The following SLC35F4 variants were observed in gnomAD, a reference collection of about 807,000 sequenced individuals.
SLC35F4 encodes chromosome 14 open reading frame 36.
SLC35F4 carries 24 observed loss-of-function variants against 44.2 expected under a neutral mutation model. The ratio of observed to expected loss-of-function variants is 0.54; its 90% CI spans 0.39 to 0.76. The LOEUF (loss-of-function observed/expected upper bound fraction) is 0.76, where lower values mean the gene tolerates loss of function less well. Among genes scored for constraint, SLC35F4 ranks in the 30% least tolerant of loss-of-function variants. The pLI is 0.00. For missense variants in SLC35F4, 562 were observed against 586.1 expected (o/e 0.96, Z 0.42); for synonymous variants, 238 against 223.6 (o/e 1.06, Z -0.57).
At chr14:57,642,242 G>A (rs757120809) in intron 1 of SLC35F4, among the ~76,000 whole-genome samples, 3 of 151,520 alleles carry the variant, frequency 2.0e-5, no homozygotes, top group African/African-American at 2.4e-5. Context: ...TTCTTTCTAC[G>A]TTTAACTCTT....
intron 1 of SLC35F4, among the ~76,000 whole-genome samples, chr14:57,678,061 C>A (rs2074759621): frequency 1.3e-5 from 2 of 151,786 alleles, no homozygotes; most frequent in South Asian, 4.1e-4. Context: ...AACCCCAAGA[C>A]AAATAATCAT....
At chr14:57,968,925 T>C (rs1390283275) in intron 1 of SLC35F4, among the ~76,000 whole-genome samples, 1 of 152,260 alleles carries the variant, frequency 6.6e-6, no homozygotes, top group Non-Finnish European at 1.5e-5. Context: ...TAAACTTGTC[T>C]AGGAAAATCA....
chr14:57,958,153 G>A (rs544798339), intron 1 of SLC35F4, among the ~76,000 whole-genome samples: 3 of 151,970 alleles, frequency 2.0e-5, no homozygotes, highest in Admixed American at 6.6e-5. Context: ...TGCCTCCCAG[G>A]TTCACGCCGT....
intron 1 of SLC35F4, among the ~76,000 whole-genome samples, chr14:57,756,983 A>C (rs546985650): frequency 6.6e-6 from 1 of 152,216 alleles, no homozygotes; most frequent in South Asian, 2.1e-4. Context: ...ATTATTTAGA[A>C]AGGGATACTA....
chr14:57,694,164 C>T (rs1264930801), intron 1 of SLC35F4, among the ~76,000 whole-genome samples: 1 of 152,174 alleles, frequency 6.6e-6, no homozygotes, highest in Non-Finnish European at 1.5e-5. Context: ...TTCATACCCT[C>T]TTGAAATCCT....
chr14:57,887,221 A>G (rs1369438233), intron 1 of SLC35F4, among the ~76,000 whole-genome samples: 3 of 152,186 alleles, frequency 2.0e-5, no homozygotes, highest in African/African-American at 7.2e-5. Flanking sequence ...GCTAAGAGAG[A>G]TGGTTAAGGG....
chr14:57,796,552 T>C lies in SLC35F4; in HGVS notation c.103+69171A>G, dbSNP rs551633210. ...GTTTCAAATACACATAAATTAAAAA[T>C]ATTAAAAGTCATAAATAAAAGCATT... On this transcript the variant is annotated intron_variant, in intron 1 of 7. Transcript: ENST00000556826. Among the ~76,000 whole-genome samples, 10 of 152,272 alleles carry C rather than the reference T, an allele frequency of 6.6e-5. No homozygotes were observed. In the South Asian group the frequency reaches 2.1e-3, roughly 32 times the overall value.
chr14:57,844,567 CA>C (rs1885821616), intron 1 of SLC35F4, among the ~76,000 whole-genome samples: 1 of 152,204 alleles, frequency 6.6e-6, no homozygotes, highest in Non-Finnish European at 1.5e-5. Flanking sequence ...ACACATAACT[CA>C]AAATTACAGG....
intron 1 of SLC35F4, among the ~76,000 whole-genome samples, chr14:57,843,242 T>C (rs1885667757): frequency 6.6e-6 from 1 of 152,144 alleles, no homozygotes. Flanking sequence ...ATCCTATTAG[T>C]TCTGTCCCTC....
rs80342073 is a variant in SLC35F4 at position 57,582,203 on chromosome 14, A to AT, written c.588-771dup. Among the ~76,000 whole-genome samples, 124 of 150,408 alleles carry AT rather than the reference A, an allele frequency of 8.2e-4. 1 individual carries two copies. In the Middle Eastern group the frequency reaches 0.01, roughly 12 times the overall value. ...CCTTTAAGTCCTAGGCCTAAACATG[A>AT]TTTTTTTTTTCCCCCTAGGTCTGGC... On this transcript the variant is annotated intron_variant, in intron 3 of 7. Transcript: ENST00000556826.
chr14:57,927,782 C>T (rs1032271552), intron 1 of SLC35F4, among the ~76,000 whole-genome samples: 4 of 152,104 alleles, frequency 2.6e-5, no homozygotes, highest in South Asian at 2.1e-4. Flanking sequence ...TTAGCCATCA[C>T]GCCTGGCCCC....
intron 1 of SLC35F4, among the ~76,000 whole-genome samples, chr14:57,844,240 G>T (rs1885775751): frequency 6.6e-6 from 1 of 152,188 alleles, no homozygotes; most frequent in Non-Finnish European, 1.5e-5. Flanking sequence ...GCATGGGGGT[G>T]AAACCAAGGA....
At chr14:57,606,635 A>C (rs2071183348) in intron 1 of SLC35F4, among the ~76,000 whole-genome samples, 1 of 152,210 alleles carries the variant, frequency 6.6e-6, no homozygotes, top group Non-Finnish European at 1.5e-5. Flanking sequence ...TAAAATCCTT[A>C]TGGACCTTGT....
At chr14:57,727,150 ATG>A (rs1207128528) in intron 1 of SLC35F4, among the ~76,000 whole-genome samples, 1,842 of 51,510 alleles carry the variant, frequency 0.036, 35 homozygotes, top group African/African-American at 0.097. Flanking sequence ...ATATATATAT[ATG>A]TATTCTATTA....
intron 1 of SLC35F4, among the ~76,000 whole-genome samples, chr14:57,672,751 A>G (rs1215461634): frequency 1.3e-5 from 2 of 149,610 alleles, no homozygotes; most frequent in African/African-American, 5.0e-5. Flanking sequence ...CTTATCCAGC[A>G]TAAGAAAGAC....
At chr14:57,856,551 A>G (rs1442205314) in intron 1 of SLC35F4, among the ~76,000 whole-genome samples, 1 of 152,146 alleles carries the variant, frequency 6.6e-6, no homozygotes, top group Non-Finnish European at 1.5e-5. Context: ...AATGCAAAAT[A>G]CACATCAGAA....
At chr14:57,885,119 G>T (rs189005221) in intron 1 of SLC35F4, among the ~76,000 whole-genome samples, 1 of 152,138 alleles carries the variant, frequency 6.6e-6, no homozygotes, top group East Asian at 1.9e-4. Context: ...AGAGGCTCCT[G>T]CCCCCAACAC....
At chr14:57,702,819 T>C (rs1032278369) in intron 1 of SLC35F4, among the ~76,000 whole-genome samples, 1 of 152,166 alleles carries the variant, frequency 6.6e-6, no homozygotes, top group Non-Finnish European at 1.5e-5. Context: ...TGGATGAGTA[T>C]ATTTAGGCAT....
intron 1 of SLC35F4, among the ~76,000 whole-genome samples, chr14:57,864,162 T>G (rs530136115): frequency 5.9e-5 from 9 of 152,200 alleles, no homozygotes; most frequent in Non-Finnish European, 1.3e-4. Flanking sequence ...TCTAAGCCAC[T>G]AAAATCCCAT....
Sources: gnomAD v4.1 joint callset for allele counts (sites outside exome capture counted in the v4.1 genomes callset) on GRCh38, gnomAD v4.1.1 for gene constraint, MANE v1.5 for transcripts, NCBI Gene and HGNC (gene_info 2026-07-23, HGNC 2026-07-21) for gene names.